Variants in DEPDC1B observed in about 807,000 individuals in gnomAD.
The protein encoded by DEPDC1B is DEP domain-containing protein 1B.
In DEPDC1B, 51 loss-of-function variants were observed where a neutral mutation model predicts 66.5. The ratio of observed to expected loss-of-function variants is 0.77; its 90% CI spans 0.61 to 0.97. The LOEUF (loss-of-function observed/expected upper bound fraction) is 0.97, where lower values mean the gene tolerates loss of function less well. Ranked by LOEUF, DEPDC1B falls within the 50% of genes least tolerant of loss-of-function variation. The probability of loss-of-function intolerance (pLI) is 0.00; values close to 1 mark genes in which losing one functional copy is unlikely to be tolerated. For missense variants in DEPDC1B, 552 were observed against 637.1 expected, an observed-to-expected ratio of 0.87 and a Z score of 1.44; for synonymous variants, 226 against 223.6, an observed-to-expected ratio of 1.01 and a Z score of -0.10.
At chr5:60,675,038 C>T (rs1241923441) in intron 2 of DEPDC1B, among the ~76,000 whole-genome samples, 2 of 152,152 alleles carry the variant, frequency 1.3e-5, no homozygotes, top group African/African-American at 2.4e-5. Context: ...GGATTCTAAG[C>T]TGTCCCTTCC....
chr5:60,692,394 T>C (rs1165288315), intron 1 of DEPDC1B, among the ~76,000 whole-genome samples: 2 of 152,202 alleles, frequency 1.3e-5, no homozygotes, highest in African/African-American at 4.8e-5. Flanking sequence ...AATTATTCCA[T>C]TGAATTCGTA....
chr5:60,686,255 G>A (rs1193315590), intron 2 of DEPDC1B, among the ~76,000 whole-genome samples: 1 of 152,170 alleles, frequency 6.6e-6, no homozygotes, highest in Non-Finnish European at 1.5e-5. Context: ...TTTAATCCGT[G>A]TAGATAACTC....
intron 2 of DEPDC1B, among the ~76,000 whole-genome samples, chr5:60,654,874 A>G (rs1203053536): frequency 6.7e-6 from 1 of 148,752 alleles, no homozygotes; most frequent in Non-Finnish European, 1.5e-5. Context: ...TTCTGTGTCT[A>G]TTGGGATGAT....
chr5:60,605,952 C>T (rs1371174976), intron 7 of DEPDC1B, 96 bp from the exon 8 acceptor site: 1 of 1,063,654 alleles, frequency 9.4e-7, no homozygotes, highest in African/African-American at 1.6e-5. Flanking sequence ...AGTAAAATTA[C>T]ATAAAATATT....
chr5:60,599,031 C>G (rs769400381), intron 10 of DEPDC1B, 44 bp downstream of exon 10: 1 of 1,447,812 alleles, frequency 6.9e-7, no homozygotes. Context: ...AACATAAAAA[C>G]AGTAGGGAGG....
At chr5:60,651,498 T>C in intron 2 of DEPDC1B, among the ~76,000 whole-genome samples, 1 of 150,540 alleles carries the variant, frequency 6.6e-6, no homozygotes, top group East Asian at 2.0e-4. Context: ...ACTGCACCAC[T>C]TCAGACTGGG....
chr5:60,670,678 A>G (rs999563844), intron 2 of DEPDC1B, among the ~76,000 whole-genome samples: 4 of 152,220 alleles, frequency 2.6e-5, no homozygotes, highest in African/African-American at 9.6e-5. Flanking sequence ...ATGGCATTGT[A>G]TCCCCCTAGG....
chr5:60,629,930 A>G (rs1000376749), intron 7 of DEPDC1B, among the ~76,000 whole-genome samples: 1 of 152,220 alleles, frequency 6.6e-6, no homozygotes, highest in Admixed American at 6.5e-5. Flanking sequence ...GAAAACAGAA[A>G]AATTATTTCC....
intron 1 of DEPDC1B, among the ~76,000 whole-genome samples, chr5:60,691,290 G>GTAATGC (rs1754539409): frequency 6.6e-6 from 1 of 152,008 alleles, no homozygotes; most frequent in African/African-American, 2.4e-5. Context: ...CTGACCTCAG[G>GTAATGC]TAATGCACCC....
intron 8 of DEPDC1B, among the ~76,000 whole-genome samples, chr5:60,604,762 G>A (rs1434252063): frequency 1.3e-5 from 2 of 152,058 alleles, no homozygotes; most frequent in African/African-American, 2.4e-5. Context: ...CTCTGTGATC[G>A]CCTTGAAACT....
At chr5:60,699,344 TC>T (rs1754723563) in intron 1 of DEPDC1B, among the ~76,000 whole-genome samples, 2 of 150,752 alleles carry the variant, frequency 1.3e-5, no homozygotes, top group South Asian at 4.2e-4. Flanking sequence ...CCACAGAAAG[TC>T]CTCTAAAAAC....
intron 8 of DEPDC1B, 129 bp downstream of exon 8, chr5:60,605,561 G>T (rs1752291713): frequency 5.2e-6 from 5 of 953,588 alleles, no homozygotes; most frequent in African/African-American, 1.7e-5. Context: ...CACAAGTCTG[G>T]GTGGACACTG....
chr5:60,606,759 G>A (rs1052130833), intron 7 of DEPDC1B, among the ~76,000 whole-genome samples: 2 of 151,800 alleles, frequency 1.3e-5, no homozygotes, highest in African/African-American at 2.4e-5. Flanking sequence ...CACCAGCCTG[G>A]GCAACACAGC....
At chr5:60,695,952 C>T (rs1214245862) in intron 1 of DEPDC1B, among the ~76,000 whole-genome samples, 2 of 152,158 alleles carry the variant, frequency 1.3e-5, no homozygotes, top group Non-Finnish European at 2.9e-5. Context: ...GCATGTGCCA[C>T]CACACCCAGC....
intron 7 of DEPDC1B, among the ~76,000 whole-genome samples, chr5:60,633,792 A>G (rs1250012969): frequency 9.2e-5 from 14 of 152,230 alleles, no homozygotes; most frequent in Admixed American, 6.5e-4. Context: ...TTTTTCCTTC[A>G]CTTTACAAAC....
intron 7 of DEPDC1B, among the ~76,000 whole-genome samples, chr5:60,619,802 A>C (rs1333707908): frequency 6.6e-6 from 1 of 152,226 alleles, no homozygotes; most frequent in African/African-American, 2.4e-5. Context: ...TAAAGTTCAT[A>C]TGGAACCAAA....
chr5:60,694,104 T>C (rs1468939535), intron 1 of DEPDC1B, among the ~76,000 whole-genome samples: 1 of 152,060 alleles, frequency 6.6e-6, no homozygotes, highest in Non-Finnish European at 1.5e-5. Flanking sequence ...ACAAATTAAA[T>C]ACAGAAGTAT....
At chr5:60,679,877 C>T (rs1336317606) in intron 2 of DEPDC1B, among the ~76,000 whole-genome samples, 4 of 152,134 alleles carry the variant, frequency 2.6e-5, no homozygotes, top group African/African-American at 9.7e-5. Context: ...AATAATATTA[C>T]GTAATTGTTC....
rs1296215818 is a variant in DEPDC1B, at chr5:60,603,569, T to TA, written c.1066-3dup. The TA allele has an allele frequency of 1.3e-6, 2 of 1,581,748 alleles. No individual in the cohort carries two copies. Among genetic ancestry groups the TA allele is most frequent in the Admixed American group, 1.9e-5 (1 of 52,120 alleles). On this transcript the variant is annotated splice_region_variant and splice_polypyrimidine_tract_variant and intron_variant, in intron 8 of 10. Coordinates refer to ENST00000265036, the MANE Select transcript of DEPDC1B (RefSeq NM_018369.3). ...GCAACGGGAAAATGTCTGAACCATC[T>TA]AAAAAAAGAGCGGGGTGGGGGGTAA... is the stretch of plus-strand genomic sequence containing the variant.
Sources: gnomAD v4.1 joint callset for allele counts (sites outside exome capture counted in the v4.1 genomes callset) on GRCh38, gnomAD v4.1.1 for gene constraint, MANE v1.5 for transcripts, NCBI Gene and HGNC (gene_info 2026-07-23, HGNC 2026-07-21) for gene names.